Variants in IL20RA observed in about 807,000 individuals in gnomAD.
IL20RA encodes the protein interleukin 20 receptor subunit alpha.
Under a neutral mutation model 36.5 loss-of-function variants are expected in IL20RA, and 29 were observed. That is an observed-to-expected ratio of 0.79 (90% CI 0.59 to 1.08). IL20RA has a LOEUF of 1.08. IL20RA is among the 50% of genes least tolerant of loss of function. The pLI is 0.00. For missense variants in IL20RA, 652 were observed against 668.4 expected, an observed-to-expected ratio of 0.98 and a Z score of 0.27; for synonymous variants, 279 against 267.1, an observed-to-expected ratio of 1.04 and a Z score of -0.43.
At chr6:137,031,417 G>A (rs1284246276) in intron 1 of IL20RA, among the ~76,000 whole-genome samples, 1 of 152,178 alleles carries the variant, frequency 6.6e-6, no homozygotes, top group Non-Finnish European at 1.5e-5. Context: ...AGTCAATGAT[G>A]CTGGTCCCAT....
chr6:137,044,138 C>A, intron 1 of IL20RA: 1 of 985,712 alleles, frequency 1.0e-6, no homozygotes, highest in Non-Finnish European at 1.2e-6. Flanking sequence ...GGGGCTGACC[C>A]TTTCGGGGAG....
At chr6:137,030,996 CAA>C (rs1258621545) in intron 1 of IL20RA, among the ~76,000 whole-genome samples, 1 of 152,184 alleles carries the variant, frequency 6.6e-6, no homozygotes, top group Non-Finnish European at 1.5e-5. Context: ...CCACCCATCT[CAA>C]CAGTTACTAT....
chr6:137,038,728 T>G (rs1394057522), intron 1 of IL20RA, among the ~76,000 whole-genome samples: 1 of 152,204 alleles, frequency 6.6e-6, no homozygotes, highest in Non-Finnish European at 1.5e-5. Flanking sequence ...GATCATTTTT[T>G]TTAAATCAAT....
chr6:137,004,180 T>TTTTTTG, intron 6 of IL20RA, among the ~76,000 whole-genome samples: 1 of 145,190 alleles, frequency 6.9e-6, no homozygotes, highest in Admixed American at 6.9e-5. Flanking sequence ...TTTTTTTTTT[T>TTTTTTG]TTTTTGAGAC....
Position 137,044,935 on chromosome 6 carries a change from C to T in IL20RA, c.-207G>A. 3 of 374,130 alleles carry T rather than the reference C, an allele frequency of 8.0e-6. No homozygotes were observed. Among genetic ancestry groups the T allele is most frequent in the Non-Finnish European group, 1.4e-5 (3 of 221,282 alleles). The allele number at this position is 374,130 out of a possible 1,614,324, so 23.2% of individuals were successfully genotyped here. A position where few individuals can be genotyped will look rare whatever the true frequency, so the allele number is the denominator to read the frequency against. ...AAGGGCGAGCGACTCGCGGAGCCCCCACGCGCGCTCCCCCGGCTACCCAGC... is the reference window on the plus strand; with the variant it reads ...AAGGGCGAGCGACTCGCGGAGCCCCTACGCGCGCTCCCCCGGCTACCCAGC... On this transcript the variant is annotated 5_prime_UTR_variant, in exon 1 of 7. Transcript: ENST00000316649.
intron 2 of IL20RA, among the ~76,000 whole-genome samples, chr6:137,014,168 G>C (rs577167710): frequency 4.6e-5 from 7 of 152,346 alleles, no homozygotes; most frequent in Admixed American, 6.5e-5. Flanking sequence ...TGAGGTCACT[G>C]TGAGTCGCTG....
intron 1 of IL20RA, among the ~76,000 whole-genome samples, chr6:137,031,484 T>C (rs963982068): frequency 2.8e-4 from 42 of 152,240 alleles, no homozygotes; most frequent in African/African-American, 9.6e-4. Context: ...TACTATTGTG[T>C]TACAAATGCC....
intron 1 of IL20RA, among the ~76,000 whole-genome samples, chr6:137,017,764 T>C (rs563244820): frequency 6.6e-6 from 1 of 152,222 alleles, no homozygotes; most frequent in African/African-American, 2.4e-5. Context: ...AGACAATTTA[T>C]TTAAATAAAC....
chr6:137,023,768 T>A (rs1487609224), intron 1 of IL20RA, among the ~76,000 whole-genome samples: 1 of 152,204 alleles, frequency 6.6e-6, no homozygotes, highest in Non-Finnish European at 1.5e-5. Context: ...ACTCATGCTT[T>A]TATCTATTTT....
In IL20RA at chr6:137,009,421, C is replaced by T. The variant is rs1775394483; in HGVS notation, c.475G>A (p.Glu159Lys). ...TCTTCTGGATTTCTCTTCCACTTCTCTGGAGCTGTCAGGACAACAGAAATG... is the reference window on the plus strand; with the variant it reads ...TCTTCTGGATTTCTCTTCCACTTCTTTGGAGCTGTCAGGACAACAGAAATG... Reference protein sequence around the residue: ...KSISVVLTAPEKWKRNPEDLP... With the variant: ...KSISVVLTAPKKWKRNPEDLP... The change falls in exon 4 of 7, where the codon GAG becomes AAG. Residue 159 changes from glutamate (E) to lysine (K), a missense_variant. By Grantham distance (56) the Glu-to-Lys change is moderately conservative. Coordinates refer to ENST00000316649, the MANE Select transcript of IL20RA (RefSeq NM_014432.4). 6.2e-7 allele frequency: 1 copy of T among 1,612,770 alleles called. No homozygotes were observed. The highest frequency in any genetic ancestry group is 2.2e-5 in the East Asian group (1 of 44,848).
At chr6:137,016,873 C>G in intron 2 of IL20RA, 95 bp downstream of exon 2, 2 of 1,117,664 alleles carry the variant, frequency 1.8e-6, no homozygotes. Context: ...CTTTTTCAAA[C>G]ACATTTAATA....
At chr6:137,012,801 T>C (rs1210698519) in intron 2 of IL20RA, among the ~76,000 whole-genome samples, 1 of 152,204 alleles carries the variant, frequency 6.6e-6, no homozygotes, top group Non-Finnish European at 1.5e-5. Flanking sequence ...TGTCCATGTA[T>C]TGCCAAAGCT....
At chr6:137,005,919 C>G (rs776663144) in intron 5 of IL20RA, among the ~76,000 whole-genome samples, 1 of 152,088 alleles carries the variant, frequency 6.6e-6, no homozygotes, top group Admixed American at 6.5e-5. Context: ...TGTGAGCCAA[C>G]GCCTTAAAAT....
At chr6:137,024,309 C>A (rs955666963) in intron 1 of IL20RA, among the ~76,000 whole-genome samples, 1 of 152,202 alleles carries the variant, frequency 6.6e-6, no homozygotes, top group African/African-American at 2.4e-5. Flanking sequence ...AATTTTCTAA[C>A]CTGCTAGTAC....
intron 1 of IL20RA, among the ~76,000 whole-genome samples, chr6:137,027,283 C>T (rs558575927): frequency 1.3e-5 from 2 of 152,342 alleles, no homozygotes; most frequent in South Asian, 2.1e-4. Context: ...GAGCACGATT[C>T]GGTGCTAGCA....
chr6:137,021,279 A>G (rs1026153510), intron 1 of IL20RA, among the ~76,000 whole-genome samples: 1 of 152,100 alleles, frequency 6.6e-6, no homozygotes, highest in Non-Finnish European at 1.5e-5. Flanking sequence ...TGCAAAGAGG[A>G]GTTAAAAGAA....
intron 5 of IL20RA, 102 bp from the exon 6 acceptor site, chr6:137,004,862 AG>A (rs1240534443): frequency 5.5e-6 from 6 of 1,083,286 alleles, no homozygotes; most frequent in Non-Finnish European, 7.9e-6. Context: ...GCTTCTGTGC[AG>A]ATCACTTACA....
At chr6:137,034,008 T>G (rs1260256569) in intron 1 of IL20RA, among the ~76,000 whole-genome samples, 1 of 152,194 alleles carries the variant, frequency 6.6e-6, no homozygotes. Flanking sequence ...CTGGGTTGAC[T>G]CAGGAAGTGG....
At chr6:137,043,639 ACTTTTT>A (rs1776783655) in intron 1 of IL20RA, among the ~76,000 whole-genome samples, 1 of 152,192 alleles carries the variant, frequency 6.6e-6, no homozygotes, top group Admixed American at 6.5e-5. Flanking sequence ...ATTGAATTTA[ACTTTTT>A]CTTTAACTAC....
Sources: gnomAD v4.1 joint callset for allele counts (sites outside exome capture counted in the v4.1 genomes callset) on GRCh38, gnomAD v4.1.1 for gene constraint, MANE v1.5 for transcripts, NCBI Gene and HGNC (gene_info 2026-07-23, HGNC 2026-07-21) for gene names.